The following STAB2 variants were observed in gnomAD, a reference collection of about 807,000 sequenced individuals.
STAB2 encodes stabilin-2.
STAB2 carries 288 observed loss-of-function variants against 338.1 expected under a neutral mutation model. That is an observed-to-expected ratio of 0.85 (90% CI 0.77 to 0.94). STAB2 has a LOEUF of 0.94. Among genes scored for constraint, STAB2 ranks in the 40% least tolerant of loss-of-function variants. The pLI is 0.00. For synonymous variants in STAB2, 1,202 were observed against 1,193.3 expected, an observed-to-expected ratio of 1.01 and a Z score of -0.15; for missense variants, 3,141 against 3,210.1, an observed-to-expected ratio of 0.98 and a Z score of 0.52.
At chr12:103,717,743 A>G in intron 43 of STAB2, 27 bp from the exon 44 acceptor site, 2 of 1,613,024 alleles carry the variant, frequency 1.2e-6, no homozygotes, top group Non-Finnish European at 1.7e-6. Flanking sequence ...CTGCAAAATG[A>G]CCCCATGTGC....
At chr12:103,709,440 T>G (rs1315210656) in intron 39 of STAB2, among the ~76,000 whole-genome samples, 1 of 152,188 alleles carries the variant, frequency 6.6e-6, no homozygotes. Flanking sequence ...TATGATCGTA[T>G]TTGGCACTTA....
chr12:103,730,400 CT>C, intron 49 of STAB2, 144 bp downstream of exon 49: 1 of 969,446 alleles, frequency 1.0e-6, no homozygotes, highest in Non-Finnish European at 1.5e-6. Context: ...AAACATTATT[CT>C]TAGTAAGAAA....
chr12:103,612,406 A>T (rs1957139201), intron 3 of STAB2, among the ~76,000 whole-genome samples: 1 of 151,954 alleles, frequency 6.6e-6, no homozygotes, highest in Non-Finnish European at 1.5e-5. Context: ...TTTTCTCTAA[A>T]CTTCTCTTCT....
At chr12:103,602,938 T>C (rs1198040320) in intron 3 of STAB2, among the ~76,000 whole-genome samples, 1 of 152,246 alleles carries the variant, frequency 6.6e-6, no homozygotes, top group African/African-American at 2.4e-5. Flanking sequence ...CTGCTTCTTG[T>C]ATCATATCTA....
At chr12:103,659,319 C>A (rs1392681109) in intron 15 of STAB2, among the ~76,000 whole-genome samples, 1 of 152,200 alleles carries the variant, frequency 6.6e-6, no homozygotes, top group Non-Finnish European at 1.5e-5. Context: ...TCCCTTGGCA[C>A]AGTGACCAAG....
Position 103,745,235 on chromosome 12 carries a change from T to C in STAB2, c.6094T>C (p.Cys2032Arg). The C allele has an allele frequency of 6.2e-7, 1 of 1,614,008 alleles. No individual in the cohort carries two copies. The highest frequency in any genetic ancestry group is 1.1e-5 in the South Asian group (1 of 91,068). Reference protein sequence around the residue: ...DGITGSGQCLCETGWTGPSCD... With the variant: ...DGITGSGQCLRETGWTGPSCD... Reference sequence around the variant, plus strand: ...CATCACGGGCTCCGGGCAGTGCCTCTGTGAAACGGGGTGGACAGGCCCCTC... The same window carrying C: ...CATCACGGGCTCCGGGCAGTGCCTCCGTGAAACGGGGTGGACAGGCCCCTC... The change falls in exon 57 of 69, where the codon TGT becomes CGT. Residue 2032 changes from cysteine (C) to arginine (R), a missense_variant. Physicochemically the swap from Cys to Arg is radical, Grantham distance 180. Coordinates refer to ENST00000388887, the MANE Select transcript of STAB2 (RefSeq NM_017564.10).
At chr12:103,765,035 A>C (rs1050979035) in intron 68 of STAB2, among the ~76,000 whole-genome samples, 4 of 141,160 alleles carry the variant, frequency 2.8e-5, no homozygotes, top group South Asian at 2.4e-4. Context: ...TGCAGTGAGC[A>C]GAGATTGCAC....
intron 66 of STAB2, among the ~76,000 whole-genome samples, chr12:103,761,759 A>G (rs1221237291): frequency 1.3e-5 from 2 of 152,160 alleles, no homozygotes; most frequent in Non-Finnish European, 2.9e-5. Flanking sequence ...TCATCTGCAA[A>G]ATGGGGCTCA....
In STAB2 at chr12:103,634,946, C is replaced by T. The variant is rs550948723; in HGVS notation, c.584-2165C>T. ...AACTAGTCACGTGATCTTTCCTGGA[C>T]GTAAAGTGGGGTGGAAAATGTAATC... is the stretch of plus-strand genomic sequence containing the variant. On this transcript the variant is annotated intron_variant, in intron 6 of 68. Transcript: ENST00000388887. Among the ~76,000 whole-genome samples the T allele has an allele frequency of 1.1e-4, 17 of 152,280 alleles. No homozygotes were observed. The South Asian group carries it at 2.7e-3, about 24-fold the overall frequency.
chr12:103,620,865 A>T (rs981788240), intron 4 of STAB2, among the ~76,000 whole-genome samples: 2 of 152,162 alleles, frequency 1.3e-5, no homozygotes, highest in Non-Finnish European at 2.9e-5. Flanking sequence ...TAGGAGGCCG[A>T]GTGGGGGAGG....
rs139125034 is a variant in STAB2, at chr12:103,753,305, C to T, written c.6666C>T (p.Asn2222=). Residue 2222 remains asparagine, a synonymous_variant, in exon 61 of 69, where the codon AAC becomes AAT. Coordinates refer to ENST00000388887, the MANE Select transcript of STAB2 (RefSeq NM_017564.10). ...TFDKAREACA[N]EAATMATYNQ... Reference sequence around the variant, plus strand: ...ACAAAGCCAGAGAGGCCTGTGCCAACGAAGCTGCGACCATGGCAACCTACA... The same window carrying T: ...ACAAAGCCAGAGAGGCCTGTGCCAATGAAGCTGCGACCATGGCAACCTACA... 306 of 1,614,102 alleles carry T rather than the reference C, an allele frequency of 1.9e-4. 2 individuals carry two copies. The highest frequency in any genetic ancestry group is 6.4e-4 in the South Asian group (58 of 91,090).
intron 34 of STAB2, among the ~76,000 whole-genome samples, chr12:103,701,118 C>T (rs1878830975): frequency 6.7e-6 from 1 of 150,164 alleles, no homozygotes; most frequent in Non-Finnish European, 1.5e-5. Context: ...GTTTTTTGTT[C>T]TTGCGATAGT....
chr12:103,737,570 C>A, intron 52 of STAB2, 64 bp from the exon 53 acceptor site: 2 of 1,292,888 alleles, frequency 1.5e-6, no homozygotes, highest in African/African-American at 1.6e-5. Flanking sequence ...AAGAGATTGA[C>A]TGTTTCTCTC....
rs371270724 is a variant in STAB2, at chr12:103,725,001, C to T, written c.4710C>T (p.Ala1570=). The change falls in exon 45 of 69, where the codon GCC becomes GCT. Residue 1570 remains alanine, a synonymous_variant. Coordinates refer to ENST00000388887, the MANE Select transcript of STAB2 (RefSeq NM_017564.10). ...AAAATGGCGGCTGTAGTGAATTTGC[C>T]ATCTGCAACCACACTGGGCAAGTAG... ...LTKNGGCSEF[A]ICNHTGQVER... is the part of the protein sequence containing the mutation. 7.4e-6 allele frequency: 12 copies of T among 1,613,942 alleles called. No individual in the cohort carries two copies. Among genetic ancestry groups the T allele is most frequent in the African/African-American group, 2.7e-5 (2 of 75,042 alleles).
At chr12:103,637,261 G>T in intron 7 of STAB2, 25 bp downstream of exon 7, 1 of 1,604,598 alleles carries the variant, frequency 6.2e-7, no homozygotes, top group Non-Finnish European at 8.5e-7. Flanking sequence ...GATTCTGCTA[G>T]TTTATTCATT....
chr12:103,621,799 A>C (rs556816792), intron 4 of STAB2, among the ~76,000 whole-genome samples: 1 of 152,226 alleles, frequency 6.6e-6, no homozygotes, highest in Non-Finnish European at 1.5e-5. Flanking sequence ...AGCACTTGCT[A>C]TCTATTTATA....
At chr12:103,637,513 C>T (rs535067628) in intron 7 of STAB2, among the ~76,000 whole-genome samples, 1 of 152,114 alleles carries the variant, frequency 6.6e-6, no homozygotes, top group South Asian at 2.1e-4. Context: ...TGATTTTATT[C>T]ACTTTATAAA....
At chr12:103,710,059 C>T (rs1197070982) in intron 39 of STAB2, among the ~76,000 whole-genome samples, 1 of 152,164 alleles carries the variant, frequency 6.6e-6, no homozygotes, top group African/African-American at 2.4e-5. Flanking sequence ...CACCAGTAGC[C>T]TTGTGGTCTC....
rs1172783475 is a variant in STAB2, at chr12:103,741,805, A to T, written c.5882-600A>T. On this transcript the variant is annotated intron_variant, in intron 55 of 68. Transcript: ENST00000388887. ...AAACAGAGGCACAGAGAGGACAAGAAGTAAACCCAAGGTCCCACTGGTCTG... is the reference window on the plus strand; with the variant it reads ...AAACAGAGGCACAGAGAGGACAAGATGTAAACCCAAGGTCCCACTGGTCTG... Among the ~76,000 whole-genome samples the T allele has an allele frequency of 3.9e-5, 6 of 152,186 alleles. No homozygotes were observed. In the East Asian group the frequency reaches 1.2e-3, roughly 29 times the overall value.
Sources: gnomAD v4.1 joint callset for allele counts (sites outside exome capture counted in the v4.1 genomes callset) on GRCh38, gnomAD v4.1.1 for gene constraint, MANE v1.5 for transcripts, NCBI Gene and HGNC (gene_info 2026-07-23, HGNC 2026-07-21) for gene names.